Variants in CNNM2 observed in about 807,000 individuals in gnomAD.
CNNM2 encodes the protein metal transporter CNNM2.
In CNNM2, 12 loss-of-function variants were observed where a neutral mutation model predicts 66.9. The observed-to-expected ratio is 0.18, with a 90% CI of 0.11 to 0.29. CNNM2 has a LOEUF of 0.29. Ranked by LOEUF, CNNM2 falls within the 10% of genes least tolerant of loss-of-function variation. The pLI is 1.00. For missense variants in CNNM2, 705 were observed against 1,167.7 expected (o/e 0.60, Z 5.77); for synonymous variants, 557 against 501.8 (o/e 1.11, Z -1.47).
intron 1 of CNNM2, among the ~76,000 whole-genome samples, chr10:102,946,739 AC>A (rs1049042188): frequency 6.6e-6 from 1 of 152,182 alleles, no homozygotes; most frequent in Non-Finnish European, 1.5e-5. Flanking sequence ...TGAAAGAGTT[AC>A]TTCACTATTT....
intron 1 of CNNM2, among the ~76,000 whole-genome samples, chr10:102,999,237 A>ATTTTTTT (rs776992441): frequency 7.8e-6 from 1 of 128,942 alleles, no homozygotes. Flanking sequence ...TGCCCGGCTA[A>ATTTTTTT]TTTTTTTTTT....
Position 103,049,898 on chromosome 10 carries a change from G to T in CNNM2, c.1765+48G>T, listed in dbSNP as rs188286229. 4 of 1,590,630 alleles carry T rather than the reference G, an allele frequency of 2.5e-6. No homozygotes were observed. The African/African-American group carries it at 5.4e-5, about 21-fold the overall frequency. Reference sequence around the variant, plus strand: ...ATTTCCCGAAACCTTTGCTTTTTTTGTTGTGCTGTTTGTGAGTCTTCTGAC... The same window carrying T: ...ATTTCCCGAAACCTTTGCTTTTTTTTTTGTGCTGTTTGTGAGTCTTCTGAC... On this transcript the variant is annotated intron_variant, in intron 2 of 7. Transcript: ENST00000369878.
At chr10:103,070,184 G>C (rs536537012) in intron 5 of CNNM2, among the ~76,000 whole-genome samples, 3 of 152,308 alleles carry the variant, frequency 2.0e-5, no homozygotes, top group Admixed American at 2.0e-4. Context: ...CCTACTTAAT[G>C]AGTAGGTTTC....
chr10:102,988,741 A>G (rs1271516310), intron 1 of CNNM2, among the ~76,000 whole-genome samples: 3 of 152,126 alleles, frequency 2.0e-5, no homozygotes, highest in Non-Finnish European at 4.4e-5. Context: ...TAAAAATAGC[A>G]TTGAGAAAAG....
intron 1 of CNNM2, among the ~76,000 whole-genome samples, chr10:103,044,757 C>T (rs2065100861): frequency 6.6e-6 from 1 of 152,092 alleles, no homozygotes; most frequent in African/African-American, 2.4e-5. Flanking sequence ...CCAGGAATTC[C>T]AAAGTTAAAA....
At chr10:103,051,438 GATA>G (rs1190019959) in intron 2 of CNNM2, among the ~76,000 whole-genome samples, 2 of 149,674 alleles carry the variant, frequency 1.3e-5, no homozygotes, top group Non-Finnish European at 3.0e-5. Context: ...TCCAAAAAAT[GATA>G]ATAATAACTG....
chr10:103,000,181 A>T (rs1437987789), intron 1 of CNNM2, among the ~76,000 whole-genome samples: 1 of 152,040 alleles, frequency 6.6e-6, no homozygotes, highest in Non-Finnish European at 1.5e-5. Context: ...GGTTGCAGTG[A>T]GCCGATATCA....
In CNNM2 at chr10:103,086,290, CA is replaced by C. The variant is rs2065808647; in HGVS notation, c.*9111del. 1 of 152,148 alleles carries C rather than the reference CA, an allele frequency of 6.6e-6. No homozygotes were observed. The highest frequency in any genetic ancestry group is 1.9e-4 in the East Asian group (1 of 5,194). 9.4% of individuals were successfully genotyped at this position (152,148 alleles called of 1,614,324 possible). On this transcript the variant is annotated 3_prime_UTR_variant, in exon 8 of 8. Coordinates refer to ENST00000369878, the MANE Select transcript of CNNM2 (RefSeq NM_017649.5). Reference sequence around the variant, plus strand: ...CACCACTAAAGATCATCATGAGAAACATAAGTATTTGAGCCCTAAACTACTA... The same window carrying C: ...CACCACTAAAGATCATCATGAGAAACTAAGTATTTGAGCCCTAAACTACTA...
At position 102,954,987 on chromosome 10, in the gene CNNM2, C is replaced by T. The variant is rs184197090; in HGVS notation, c.1621+34886C>T. Among the ~76,000 whole-genome samples, 177 of 152,314 alleles carry T rather than the reference C, an allele frequency of 1.2e-3. 1 individual carries two copies. The highest frequency in any genetic ancestry group is 1.8e-3 in the Non-Finnish European group (123 of 68,036). On this transcript the variant is annotated intron_variant, in intron 1 of 7. Coordinates refer to ENST00000369878, the MANE Select transcript of CNNM2 (RefSeq NM_017649.5). ...TTTATAGATTCGATGCCATCCCCAT[C>T]AAGCTACCAATGACTTTCTTCACAG...
chr10:103,021,935 G>T (rs773453345), intron 1 of CNNM2, among the ~76,000 whole-genome samples: 2 of 152,206 alleles, frequency 1.3e-5, no homozygotes, highest in African/African-American at 4.8e-5. Context: ...CCTATGGTTA[G>T]ATCAATTCCT....
chr10:103,044,517 C>G (rs1229936676), intron 1 of CNNM2, among the ~76,000 whole-genome samples: 3 of 151,554 alleles, frequency 2.0e-5, no homozygotes, highest in Non-Finnish European at 1.5e-5. Flanking sequence ...GATCATGCCA[C>G]TGCACTCCAG....
chr10:103,072,988 G>C (rs2065618049), intron 6 of CNNM2, among the ~76,000 whole-genome samples: 1 of 152,264 alleles, frequency 6.6e-6, no homozygotes, highest in African/African-American at 2.4e-5. Flanking sequence ...AAGGGCTTCA[G>C]ATGAAGAATG....
At chr10:102,968,158 C>G (rs2063493964) in intron 1 of CNNM2, among the ~76,000 whole-genome samples, 1 of 152,178 alleles carries the variant, frequency 6.6e-6, no homozygotes, top group Non-Finnish European at 1.5e-5. Flanking sequence ...AAACTGTTCT[C>G]CAACTTGGCT....
At chr10:103,034,416 G>A (rs2064890801) in intron 1 of CNNM2, among the ~76,000 whole-genome samples, 2 of 151,564 alleles carry the variant, frequency 1.3e-5, no homozygotes, top group South Asian at 4.2e-4. Context: ...TCCTTAAAAC[G>A]CCTGTGACTG....
chr10:102,970,391 C>G (rs187776076), intron 1 of CNNM2, among the ~76,000 whole-genome samples: 1 of 152,322 alleles, frequency 6.6e-6, no homozygotes, highest in East Asian at 1.9e-4. Flanking sequence ...TGGAATACAG[C>G]CATGCCTATT....
At chr10:102,932,761 T>C (rs1429677062) in intron 1 of CNNM2, among the ~76,000 whole-genome samples, 1 of 151,242 alleles carries the variant, frequency 6.6e-6, no homozygotes, top group Non-Finnish European at 1.5e-5. Context: ...CTACTAAAAA[T>C]ACAAAAATTA....
intron 4 of CNNM2, among the ~76,000 whole-genome samples, chr10:103,063,308 C>T (rs2134351651): frequency 6.6e-6 from 1 of 152,320 alleles, no homozygotes; most frequent in Non-Finnish European, 1.5e-5. Context: ...TCGGTTAATA[C>T]AACCCAGTCT....
chr10:103,044,431 C>CT (rs1325715906), intron 1 of CNNM2, among the ~76,000 whole-genome samples: 1 of 151,978 alleles, frequency 6.6e-6, no homozygotes, highest in Non-Finnish European at 1.5e-5. Context: ...TGGTGCACGC[C>CT]TATAGTCCTA....
intron 1 of CNNM2, among the ~76,000 whole-genome samples, chr10:103,019,886 GA>G (rs947016854): frequency 1.8e-4 from 28 of 151,982 alleles, no homozygotes; most frequent in Non-Finnish European, 2.9e-4. Context: ...TAATTATTGT[GA>G]AAAAAATATG....
Sources: gnomAD v4.1 joint callset for allele counts (sites outside exome capture counted in the v4.1 genomes callset) on GRCh38, gnomAD v4.1.1 for gene constraint, MANE v1.5 for transcripts, NCBI Gene and HGNC (gene_info 2026-07-23, HGNC 2026-07-21) for gene names.